Variants in PDE6D observed in about 807,000 individuals in gnomAD.
The protein encoded by PDE6D is retinal rod rhodopsin-sensitive cGMP 3',5'-cyclic phosphodiesterase subunit delta.
A neutral mutation model predicts 21.9 loss-of-function variants in PDE6D; 10 were observed. The ratio of observed to expected loss-of-function variants is 0.46; its 90% confidence interval spans 0.28 to 0.78. The LOEUF (loss-of-function observed/expected upper bound fraction) is 0.78. PDE6D is among the 30% of genes least tolerant of loss of function. PDE6D has a pLI of 0.12. For missense variants in PDE6D, 139 were observed against 184.8 expected, an observed-to-expected ratio of 0.75 and a Z score of 1.44; for synonymous variants, 59 against 63.5, an observed-to-expected ratio of 0.93 and a Z score of 0.34.
In PDE6D at chr2:231,738,096, C is replaced by T. The variant is rs770557397; in HGVS notation, c.182G>A (p.Arg61Gln). 13 of 1,613,692 alleles carry T rather than the reference C, an allele frequency of 8.1e-6. No individual in the cohort carries two copies. The highest frequency in any genetic ancestry group is 4.0e-5 in the African/African-American group (3 of 74,920). ...TTCTGTCGAAGAAAAATTAAGTTCT[C>T]GAGACACTGCCTTGCACTTGAGGAT... Reference protein sequence around the residue: ...KKILKCKAVSRELNFSSTEQM... With the variant: ...KKILKCKAVSQELNFSSTEQM... Residue 61 changes from arginine (R) to glutamine (Q), a missense_variant, in exon 3 of 5, where the codon CGA becomes CAA. Physicochemically the swap from Arg to Gln is conservative, Grantham distance 43. Transcript: ENST00000287600.
chr2:231,753,150 T>C (rs1376144535), intron 1 of PDE6D, among the ~76,000 whole-genome samples: 12 of 150,494 alleles, frequency 8.0e-5, no homozygotes, highest in Non-Finnish European at 1.8e-4. Context: ...ATATTACTGG[T>C]CCAACAGCCT....
At chr2:231,752,831 G>GTTTTTTTTTTT (rs778027978) in intron 1 of PDE6D, among the ~76,000 whole-genome samples, 1 of 119,298 alleles carries the variant, frequency 8.4e-6, no homozygotes, top group Non-Finnish European at 1.7e-5. Context: ...AGAGATTTGA[G>GTTTTTTTTTTT]TTTTTTTTTT....
chr2:231,742,498 G>GT (rs557442870), intron 1 of PDE6D, among the ~76,000 whole-genome samples: 19 of 151,904 alleles, frequency 1.3e-4, no homozygotes, highest in Middle Eastern at 6.8e-3. Context: ...GAGTGCTAAG[G>GT]TTTTTTTTGT....
chr2:231,780,433 G>T lies in PDE6D; in HGVS notation c.50+632C>A, dbSNP rs556514210. ...CTGAGAAGGCCAAGAGTGTTAAGAC[G>T]AGGTCGATCTTGGACTTCTCTTTCC... is the stretch of plus-strand genomic sequence containing the variant. On this transcript the variant is annotated intron_variant, in intron 1 of 4. Transcript: ENST00000287600. 3.9e-5 allele frequency among the ~76,000 whole-genome samples: 6 copies of T among 152,238 alleles called. No homozygotes were observed. In the South Asian group the frequency reaches 1.2e-3, roughly 32 times the overall value.
chr2:231,766,345 G>T (rs986265401), intron 1 of PDE6D, among the ~76,000 whole-genome samples: 1 of 152,126 alleles, frequency 6.6e-6, no homozygotes, highest in African/African-American at 2.4e-5. Context: ...AAACAATAAC[G>T]CAAACCTTTC....
chr2:231,744,315 T>G (rs1161402080), intron 1 of PDE6D, among the ~76,000 whole-genome samples: 2 of 152,214 alleles, frequency 1.3e-5, no homozygotes, highest in Non-Finnish European at 2.9e-5. Context: ...ATTTAGTGAA[T>G]AGTAAATTTA....
At chr2:231,753,445 G>A (rs565140119) in intron 1 of PDE6D, among the ~76,000 whole-genome samples, 2 of 152,162 alleles carry the variant, frequency 1.3e-5, no homozygotes, top group Admixed American at 6.5e-5. Flanking sequence ...CAGCTACTCC[G>A]GAGGGTGAGG....
intron 1 of PDE6D, among the ~76,000 whole-genome samples, chr2:231,770,726 A>C (rs1347882194): frequency 6.6e-6 from 1 of 152,042 alleles, no homozygotes; most frequent in African/African-American, 2.4e-5. Context: ...GCTGAGGTGA[A>C]TGGATCACCT....
At chr2:231,755,738 T>C (rs1433566389) in intron 1 of PDE6D, among the ~76,000 whole-genome samples, 1 of 152,106 alleles carries the variant, frequency 6.6e-6, no homozygotes, top group Non-Finnish European at 1.5e-5. Context: ...CTGACCAACA[T>C]GGAGAAACCC....
At chr2:231,755,455 T>G (rs1424014708) in intron 1 of PDE6D, among the ~76,000 whole-genome samples, 1 of 152,166 alleles carries the variant, frequency 6.6e-6, no homozygotes, top group Non-Finnish European at 1.5e-5. Context: ...TGAAAGTGAT[T>G]CACGCCGAGC....
chr2:231,733,282 T>C (rs1490669380), intron 4 of PDE6D, among the ~76,000 whole-genome samples: 1 of 152,206 alleles, frequency 6.6e-6, no homozygotes, highest in East Asian at 1.9e-4. Flanking sequence ...CTCCACTCCT[T>C]GGTACACTCT....
chr2:231,780,265 A>G (rs1048895144), intron 1 of PDE6D, among the ~76,000 whole-genome samples: 2 of 152,126 alleles, frequency 1.3e-5, no homozygotes, highest in African/African-American at 4.8e-5. Flanking sequence ...GCTCCACCAC[A>G]GCTAGGCATA....
chr2:231,757,620 C>G (rs549706022), intron 1 of PDE6D, among the ~76,000 whole-genome samples: 8 of 152,264 alleles, frequency 5.3e-5, no homozygotes, highest in African/African-American at 1.9e-4. Flanking sequence ...ATCCCCATAT[C>G]AGTATGTAAA....
chr2:231,736,208 A>C (rs2048701130), intron 4 of PDE6D, among the ~76,000 whole-genome samples: 1 of 152,126 alleles, frequency 6.6e-6, no homozygotes, highest in Non-Finnish European at 1.5e-5. Flanking sequence ...CAAAACAAAA[A>C]CAAAAAACCT....
chr2:231,734,524 AT>A (rs1174150143), intron 4 of PDE6D, among the ~76,000 whole-genome samples: 1 of 151,656 alleles, frequency 6.6e-6, no homozygotes, highest in East Asian at 1.9e-4. Flanking sequence ...CAGCAGATAC[AT>A]TTCTGCTGGT....
intron 1 of PDE6D, among the ~76,000 whole-genome samples, chr2:231,745,795 G>A (rs1044256103): frequency 6.6e-6 from 1 of 152,210 alleles, no homozygotes. Context: ...ATCCTCTTGT[G>A]TCTTACAGAA....
intron 1 of PDE6D, among the ~76,000 whole-genome samples, chr2:231,741,096 A>G (rs1268473888): frequency 2.1e-5 from 3 of 145,088 alleles, no homozygotes; most frequent in South Asian, 2.3e-4. Context: ...AGCCTCAACA[A>G]GAGCGAAACC....
intron 1 of PDE6D, among the ~76,000 whole-genome samples, chr2:231,773,121 G>A (rs10164942): frequency 7.0e-4 from 106 of 152,204 alleles, no homozygotes; most frequent in Admixed American, 1.4e-3. Flanking sequence ...GCACACCTGT[G>A]CACCCAGGCA....
intron 1 of PDE6D, 82 bp downstream of exon 1, chr2:231,780,983 C>T: frequency 5.6e-6 from 7 of 1,242,436 alleles, no homozygotes; most frequent in African/African-American, 1.5e-5. Context: ...CCACCTGGCG[C>T]GGCCCCCGCC....
Sources: allele counts gnomAD v4.1 joint callset (sites outside exome capture counted in the v4.1 genomes callset), GRCh38; gene constraint gnomAD v4.1.1; transcripts MANE v1.5; gene names NCBI Gene and HGNC (gene_info 2026-07-23, HGNC 2026-07-21).